The following VPS13B variants were observed in gnomAD, a reference collection of about 807,000 sequenced individuals.
VPS13B encodes the protein intermembrane lipid transfer protein VPS13B.
Under a neutral mutation model 426.4 loss-of-function variants are expected in VPS13B, and 285 were observed. The ratio of observed to expected loss-of-function variants is 0.67; its 90% CI spans 0.61 to 0.74. The LOEUF is 0.74. Among genes scored for constraint, VPS13B ranks in the 30% least tolerant of loss-of-function variants. VPS13B has a pLI of 0.00. For synonymous variants in VPS13B, 1,676 were observed against 1,676.4 expected (o/e 1.00, Z 0.01); for missense variants, 4,537 against 4,782.6 (o/e 0.95, Z 1.51).
intron 36 of VPS13B, among the ~76,000 whole-genome samples, chr8:99,701,905 T>C (rs1832299553): frequency 6.6e-6 from 1 of 152,278 alleles, no homozygotes; most frequent in Admixed American, 6.5e-5. Context: ...TATTAACTTC[T>C]AGTTATAAGG....
chr8:99,512,274 G>T (rs1009549905), intron 29 of VPS13B, among the ~76,000 whole-genome samples: 1 of 152,258 alleles, frequency 6.6e-6, no homozygotes, highest in African/African-American at 2.4e-5. Context: ...CAGATAGTTT[G>T]TAGAAACACA....
intron 43 of VPS13B, among the ~76,000 whole-genome samples, chr8:99,803,493 G>A (rs976057443): frequency 6.6e-6 from 1 of 151,898 alleles, no homozygotes; most frequent in Non-Finnish European, 1.5e-5. Flanking sequence ...TACATCAAAG[G>A]GTCCAAAAAT....
chr8:99,709,043 CTT>C (rs1832607277), intron 36 of VPS13B, among the ~76,000 whole-genome samples: 1 of 151,972 alleles, frequency 6.6e-6, no homozygotes, highest in Admixed American at 6.6e-5. Context: ...GAATGGAAGA[CTT>C]TATTTTTGAG....
At chr8:99,280,077 C>G (rs894116422) in intron 19 of VPS13B, among the ~76,000 whole-genome samples, 3 of 152,132 alleles carry the variant, frequency 2.0e-5, no homozygotes, top group African/African-American at 4.8e-5. Context: ...CCCATCATTT[C>G]AATTTCTGAG....
At chr8:99,386,074 T>C (rs1814105614) in intron 20 of VPS13B, among the ~76,000 whole-genome samples, 1 of 152,130 alleles carries the variant, frequency 6.6e-6, no homozygotes, top group African/African-American at 2.4e-5. Context: ...AGAGAATGGG[T>C]GATACAGAAG....
intron 16 of VPS13B, among the ~76,000 whole-genome samples, chr8:99,170,916 T>C (rs1029734261): frequency 9.9e-5 from 15 of 151,802 alleles, no homozygotes; most frequent in Admixed American, 2.0e-4. Context: ...GGATAGTTTT[T>C]CTATTAGTTT....
rs1648101337 is a variant in VPS13B, at chr8:99,507,916, G to T, written c.4224+713G>T. On this transcript the variant is annotated intron_variant, in intron 28 of 61. Coordinates refer to ENST00000357162, the MANE Select transcript of VPS13B (RefSeq NM_152564.5). The stretch of plus-strand genomic sequence containing the variant: ...TGCTCTGGCTTCTTTCCTTCTGTAA[G>T]AAATTACTTTAAATTATGCTACACA... 3.1e-6 allele frequency: 5 copies of T among 1,613,946 alleles called. No homozygotes were observed. The highest frequency in any genetic ancestry group is 4.2e-6 in the Non-Finnish European group (5 of 1,179,912).
In VPS13B at chr8:99,336,601, G is replaced by A. The variant is rs931152811; in HGVS notation, c.2825-47607G>A. Among the ~76,000 whole-genome samples the A allele has an allele frequency of 9.9e-5, 15 of 152,190 alleles. No homozygotes were observed. In the South Asian group the frequency reaches 1.7e-3, roughly 17 times the overall value. ...ACCTACAAAATGGGAAAAAATTTTC[G>A]CAAGCTACTCATCTGACAAAGGGCT... is the stretch of plus-strand genomic sequence containing the variant. On this transcript the variant is annotated intron_variant, in intron 19 of 61. Coordinates refer to ENST00000357162, the MANE Select transcript of VPS13B (RefSeq NM_152564.5).
At chr8:99,476,774 G>A (rs756689442) in intron 24 of VPS13B, among the ~76,000 whole-genome samples, 5 of 152,076 alleles carry the variant, frequency 3.3e-5, no homozygotes, top group Admixed American at 1.3e-4. Flanking sequence ...CATTTTCAGA[G>A]AAAAGACTCT....
intron 33 of VPS13B, among the ~76,000 whole-genome samples, chr8:99,629,647 C>T (rs1828757922): frequency 6.6e-6 from 1 of 151,940 alleles, no homozygotes; most frequent in Middle Eastern, 3.2e-3. Context: ...ATGTGAAGTT[C>T]CAGAATGGAG....
At chr8:99,172,910 T>C (rs913222822) in intron 16 of VPS13B, among the ~76,000 whole-genome samples, 7 of 152,160 alleles carry the variant, frequency 4.6e-5, no homozygotes, top group African/African-American at 1.7e-4. Flanking sequence ...CAACCATTAT[T>C]GGGCAGCTCT....
Position 99,577,638 on chromosome 8 carries a change from C to A in VPS13B, c.5220+5C>A. 2.5e-6 allele frequency: 4 copies of A among 1,613,332 alleles called. No homozygotes were observed. Among genetic ancestry groups the A allele is most frequent in the Non-Finnish European group, 3.4e-6 (4 of 1,179,680 alleles). ...CCATCAAACAAGGCTGCAGAGGTAA[C>A]TGTTACCTGATTTTGATCAGGCTTA... On this transcript the variant is annotated splice_donor_5th_base_variant and intron_variant, in intron 33 of 61. Transcript: ENST00000357162.
intron 33 of VPS13B, among the ~76,000 whole-genome samples, chr8:99,611,436 T>C (rs117168845): frequency 1.9e-3 from 291 of 152,224 alleles, no homozygotes; most frequent in Middle Eastern, 0.01. Context: ...CAATAGATAA[T>C]ACTTATTGAC....
At chr8:99,778,461 A>T (rs1311915779) in intron 41 of VPS13B, among the ~76,000 whole-genome samples, 1 of 152,138 alleles carries the variant, frequency 6.6e-6, no homozygotes, top group Non-Finnish European at 1.5e-5. Flanking sequence ...TTTGGACAAT[A>T]TATATTTAAG....
At chr8:99,065,946 G>T (rs1201406075) in intron 3 of VPS13B, among the ~76,000 whole-genome samples, 2 of 152,160 alleles carry the variant, frequency 1.3e-5, no homozygotes, top group African/African-American at 4.8e-5. Context: ...ACTTACAAGG[G>T]ATGTGAAGGA....
intron 31 of VPS13B, among the ~76,000 whole-genome samples, chr8:99,561,641 G>A (rs1367405377): frequency 6.6e-6 from 1 of 152,128 alleles, no homozygotes; most frequent in East Asian, 1.9e-4. Context: ...CCCAACCAAG[G>A]CCAATGTAAG....
At chr8:99,779,179 C>G (rs140213165) in intron 42 of VPS13B, 148 bp downstream of exon 42, 10 of 844,950 alleles carry the variant, frequency 1.2e-5, no homozygotes, top group Non-Finnish European at 1.9e-5. Flanking sequence ...TTGAGGCCTT[C>G]TCTGTTTTGG....
rs892153444 is a variant in VPS13B, at chr8:99,876,828, G to GAGA, written c.*1164_*1166dup. On this transcript the variant is annotated 3_prime_UTR_variant, in exon 62 of 62. Transcript: ENST00000357162. Reference sequence around the variant, plus strand: ...GTTACCTAGAATTTTGAGATACTAAGAGAATGCAATTTTAAATGCCCACTG... The same window carrying GAGA: ...GTTACCTAGAATTTTGAGATACTAAGAGAAGAATGCAATTTTAAATGCCCACTG... 1.3e-5 allele frequency: 2 copies of GAGA among 152,126 alleles called. No individual in the cohort carries two copies. Among genetic ancestry groups the GAGA allele is most frequent in the African/African-American group, 4.8e-5 (2 of 41,398 alleles). The allele number at this position is 152,126 out of a possible 1,614,324, so 9.4% of individuals were successfully genotyped here.
chr8:99,050,201 C>A (rs531880450), intron 3 of VPS13B, among the ~76,000 whole-genome samples: 1 of 151,680 alleles, frequency 6.6e-6, no homozygotes, highest in South Asian at 2.1e-4. Context: ...CACCACACAA[C>A]AGGCCCTGCT....
Sources: gnomAD v4.1 joint callset for allele counts (sites outside exome capture counted in the v4.1 genomes callset) on GRCh38, gnomAD v4.1.1 for gene constraint, MANE v1.5 for transcripts, NCBI Gene and HGNC (gene_info 2026-07-23, HGNC 2026-07-21) for gene names.